PDE9A: variants seen among roughly 807,000 people sequenced by gnomAD.
PDE9A encodes high affinity cGMP-specific 3',5'-cyclic phosphodiesterase 9A.
Under a neutral mutation model 87.4 loss-of-function variants are expected in PDE9A, and 60 were observed. That is an observed-to-expected ratio of 0.69 (90% CI 0.56 to 0.85). The LOEUF (loss-of-function observed/expected upper bound fraction) is 0.85, where lower values mean the gene tolerates loss of function less well. Among genes scored for constraint, PDE9A ranks in the 40% least tolerant of loss-of-function variants. The pLI is 0.00. For missense variants in PDE9A, 665 were observed against 779.0 expected (o/e 0.85, Z 1.74); for synonymous variants, 272 against 279.4 (o/e 0.97, Z 0.27).
At chr21:42,669,044 C>G (rs757021678) in intron 1 of PDE9A, among the ~76,000 whole-genome samples, 43 of 152,114 alleles carry the variant, frequency 2.8e-4, no homozygotes, top group Admixed American at 6.5e-5. Context: ...CTGAGGCCCA[C>G]CCGGTATCAA....
At chr21:42,713,120 A>T (rs2049496234) in intron 4 of PDE9A, among the ~76,000 whole-genome samples, 1 of 148,008 alleles carries the variant, frequency 6.8e-6, no homozygotes, top group Non-Finnish European at 1.5e-5. Flanking sequence ...TTTGCTTTTT[A>T]TGTATTGACT....
intron 7 of PDE9A, among the ~76,000 whole-genome samples, chr21:42,742,463 T>A (rs1293225303): frequency 6.7e-5 from 9 of 134,208 alleles, no homozygotes; most frequent in African/African-American, 2.6e-4. Context: ...TCTGCTTTTT[T>A]TTTTTTTTTT....
At position 42,723,406 on chromosome 21, in the gene PDE9A, C is replaced by T; in HGVS notation, c.263-8364C>T. 6.6e-6 allele frequency among the ~76,000 whole-genome samples: 1 copy of T among 152,258 alleles called. No individual in the cohort carries two copies. The highest frequency in any genetic ancestry group is 1.5e-5 in the Non-Finnish European group (1 of 68,040). ...GCAGGACTTAGCACCCAGGTGAGCACACTTCATTGAGTCCAGGTGTGTGCA... is the reference window on the plus strand; with the variant it reads ...GCAGGACTTAGCACCCAGGTGAGCATACTTCATTGAGTCCAGGTGTGTGCA... On this transcript the variant is annotated intron_variant, in intron 4 of 19. Coordinates refer to ENST00000291539, the MANE Select transcript of PDE9A (RefSeq NM_002606.3). This position sits in a 1 kb window ranked among gnomAD's most constrained non-coding sequence, Gnocchi z 4.3.
rs1184814628 is a variant in PDE9A, at chr21:42,739,231, G to A, written c.569-4545G>A. On this transcript the variant is annotated intron_variant, in intron 7 of 19. Coordinates refer to ENST00000291539, the MANE Select transcript of PDE9A (RefSeq NM_002606.3). The surrounding 1 kb of genome is among the most constrained non-coding windows in gnomAD (Gnocchi z 4.1). The stretch of plus-strand genomic sequence containing the variant: ...GCGGGCCATGATGGGCAGAGCCGAC[G>A]TCCAGGCTCCACGGTAGGGCCGTCC... Among the ~76,000 whole-genome samples the A allele has an allele frequency of 6.6e-6, 1 of 152,246 alleles. No individual in the cohort carries two copies. Among genetic ancestry groups the A allele is most frequent in the Non-Finnish European group, 1.5e-5 (1 of 68,036 alleles).
At chr21:42,731,185 C>T (rs948516695) in intron 4 of PDE9A, among the ~76,000 whole-genome samples, 1 of 152,092 alleles carries the variant, frequency 6.6e-6, no homozygotes, top group Non-Finnish European at 1.5e-5. Flanking sequence ...CTCGAACTCC[C>T]GACCTCAGGT....
At chr21:42,756,140 C>T (rs1400618726) in intron 10 of PDE9A, among the ~76,000 whole-genome samples, 1 of 152,240 alleles carries the variant, frequency 6.6e-6, no homozygotes, top group East Asian at 1.9e-4. Context: ...CGGCCCGTGG[C>T]TCCTGCCCAG....
At chr21:42,655,217 G>A (rs2056970474) in intron 1 of PDE9A, among the ~76,000 whole-genome samples, 1 of 152,096 alleles carries the variant, frequency 6.6e-6, no homozygotes, top group African/African-American at 2.4e-5. Context: ...CACCACATAG[G>A]CACATGCACA....
chr21:42,675,751 G>A lies in PDE9A; in HGVS notation c.70-10441G>A, dbSNP rs958331463. ...CCCAGTCTCCCCTACTGGGACTGTC[G>A]TGCAAAATTATGGCCCAGTCTTACA... is the stretch of plus-strand genomic sequence containing the variant. On this transcript the variant is annotated intron_variant, in intron 1 of 19. Transcript: ENST00000291539. The surrounding 1 kb of genome is among the most constrained non-coding windows in gnomAD (Gnocchi z 4.3). Among the ~76,000 whole-genome samples the A allele has an allele frequency of 3.3e-5, 5 of 152,146 alleles. No individual in the cohort carries two copies. The highest frequency in any genetic ancestry group is 7.2e-5 in the African/African-American group (3 of 41,428).
At position 42,731,910 on chromosome 21, in the gene PDE9A, C is replaced by G; in HGVS notation, c.403C>G (p.Pro135Ala). The G allele has an allele frequency of 6.2e-7, 1 of 1,614,056 alleles. No homozygotes were observed. Residue 135 changes from proline to alanine, a missense_variant, in exon 5 of 20, where the codon CCC becomes GCC. Physicochemically the swap from Pro to Ala is conservative, Grantham distance 27. Transcript: ENST00000291539. Reference sequence around the variant, plus strand: ...ACAGGTAGAGCCCAGGCCCAGAGAGCCCCAGGGCTGCTACCAGGAAGGCCA... The same window carrying G: ...ACAGGTAGAGCCCAGGCCCAGAGAGGCCCAGGGCTGCTACCAGGAAGGCCA... The part of the protein sequence containing the change: ...SGQVEPRPRE[P>A]QGCYQEGQRI...
At chr21:42,671,304 TG>T (rs897373629) in intron 1 of PDE9A, among the ~76,000 whole-genome samples, 1 of 152,256 alleles carries the variant, frequency 6.6e-6, no homozygotes, top group Admixed American at 6.5e-5. Flanking sequence ...TGTTTTGTTT[TG>T]TTTTTTAAAT....
chr21:42,745,998 T>G (rs190924174), intron 8 of PDE9A, among the ~76,000 whole-genome samples: 1 of 152,330 alleles, frequency 6.6e-6, no homozygotes, highest in African/African-American at 2.4e-5. Context: ...CACAACTGTG[T>G]GTCCCTGAGC....
chr21:42,711,050 T>C (rs2049289849), intron 4 of PDE9A, among the ~76,000 whole-genome samples: 1 of 152,220 alleles, frequency 6.6e-6, no homozygotes. Flanking sequence ...TTTTTGTCAC[T>C]GGTTTGTAGG....
Position 42,760,792 on chromosome 21 carries a change from G to T in PDE9A, c.1003-33G>T. On this transcript the variant is annotated intron_variant, in intron 12 of 19. Coordinates refer to ENST00000291539, the MANE Select transcript of PDE9A (RefSeq NM_002606.3). This position sits in a 1 kb window ranked among gnomAD's most constrained non-coding sequence, Gnocchi z 5.2. ...CCCCATCCCACCCTCCGAGTGAAGAGAGCAAACACCTACGCCCTGTTTTCC... is the reference window on the plus strand; with the variant it reads ...CCCCATCCCACCCTCCGAGTGAAGATAGCAAACACCTACGCCCTGTTTTCC... 2 of 1,244,826 alleles carry T rather than the reference G, an allele frequency of 1.6e-6. No homozygotes were observed. The highest frequency in any genetic ancestry group is 2.4e-6 in the Non-Finnish European group (2 of 844,740). 77.1% of individuals were successfully genotyped at this position (1,244,826 alleles called of 1,614,324 possible). A position where few individuals can be genotyped will look rare whatever the true frequency, so the allele number is the denominator to read the frequency against.
At chr21:42,669,237 C>T (rs1249073601) in intron 1 of PDE9A, among the ~76,000 whole-genome samples, 1 of 152,126 alleles carries the variant, frequency 6.6e-6, no homozygotes, top group African/African-American at 2.4e-5. Flanking sequence ...GGGCCGCGCT[C>T]CCTCTAGAGG....
intron 1 of PDE9A, among the ~76,000 whole-genome samples, chr21:42,669,620 C>T (rs2058270304): frequency 1.3e-5 from 2 of 152,156 alleles, no homozygotes; most frequent in African/African-American, 4.8e-5. Flanking sequence ...CATCTGGGGC[C>T]CTGGAATCAG....
chr21:42,655,421 C>T (rs1601838124), intron 1 of PDE9A, among the ~76,000 whole-genome samples: 2 of 152,174 alleles, frequency 1.3e-5, no homozygotes, highest in African/African-American at 2.4e-5. Context: ...GGGAGGAGGA[C>T]GCTGGGCATG....
At chr21:42,748,965 A>G (rs1207699952) in intron 8 of PDE9A, among the ~76,000 whole-genome samples, 1 of 152,114 alleles carries the variant, frequency 6.6e-6, no homozygotes, top group East Asian at 1.9e-4. Flanking sequence ...ATCCGTGATG[A>G]TCCTCCTAAT....
Position 42,670,347 on chromosome 21 carries a change from T to C in PDE9A, c.70-15845T>C, listed in dbSNP as rs569254032. On this transcript the variant is annotated intron_variant, in intron 1 of 19. Transcript: ENST00000291539. Reference sequence around the variant, plus strand: ...ACATTCACACACATTCACATACATTTACACACACATCCACACACACATTCA... The same window carrying C: ...ACATTCACACACATTCACATACATTCACACACACATCCACACACACATTCA... Among the ~76,000 whole-genome samples the C allele has an allele frequency of 3.2e-3, 333 of 103,290 alleles. 2 individuals carry two copies. Among genetic ancestry groups the C allele is most frequent in the African/African-American group, 0.019 (311 of 16,776 alleles). 67.8% of individuals were successfully genotyped at this position (103,290 alleles called of 152,430 possible).
chr21:42,692,370 C>T lies in PDE9A; in HGVS notation c.218+4376C>T, dbSNP rs1043086439. Among the ~76,000 whole-genome samples the T allele has an allele frequency of 4.6e-5, 7 of 152,172 alleles. No homozygotes were observed. The highest frequency in any genetic ancestry group is 1.7e-4 in the African/African-American group (7 of 41,438). On this transcript the variant is annotated intron_variant, in intron 3 of 19. Coordinates refer to ENST00000291539, the MANE Select transcript of PDE9A (RefSeq NM_002606.3). The surrounding 1 kb of genome is among the most constrained non-coding windows in gnomAD (Gnocchi z 4.3). ...GGGATGCCAATGGCATCCTACAGCG[C>T]ACAGGACAGGCCCACAACAATGACA... is the stretch of plus-strand genomic sequence containing the variant.
Sources: gnomAD v4.1 joint callset for allele counts (sites outside exome capture counted in the v4.1 genomes callset) on GRCh38, gnomAD v4.1.1 for gene constraint, Gnocchi (gnomAD v3.1) non-coding constraint, MANE v1.5 for transcripts, NCBI Gene and HGNC (gene_info 2026-07-23, HGNC 2026-07-21) for gene names.